SUN1: variants seen among roughly 807,000 people sequenced by gnomAD.
SUN1 encodes SUN domain-containing protein 1.
A neutral mutation model predicts 103.2 loss-of-function variants in SUN1; 61 were observed. The ratio of observed to expected loss-of-function variants is 0.59; its 90% CI spans 0.48 to 0.73. The LOEUF (loss-of-function observed/expected upper bound fraction) is 0.73. SUN1 is among the 30% of genes least tolerant of loss of function. SUN1 has a pLI of 0.00. For synonymous variants in SUN1, 490 were observed against 425.7 expected (o/e 1.15, Z -1.86); for missense variants, 1,052 against 1,034.6 (o/e 1.02, Z -0.23).
At chr7:864,554 CA>C (rs551547626) in intron 15 of SUN1, among the ~76,000 whole-genome samples, 1,755 of 95,172 alleles carry the variant, frequency 0.018, 42 homozygotes, top group African/African-American at 0.057. Context: ...AACTTTATCT[CA>C]AAAAAAAAAA....
chr7:825,135 T>C (rs1305192429), intron 1 of SUN1, among the ~76,000 whole-genome samples: 1 of 152,096 alleles, frequency 6.6e-6, no homozygotes. Flanking sequence ...CTCAGCTCAC[T>C]GCAAGCTCCA....
intron 14 of SUN1, among the ~76,000 whole-genome samples, 185 bp downstream of exon 14, chr7:860,567 G>A (rs1037972698): frequency 5.3e-5 from 8 of 152,204 alleles, no homozygotes; most frequent in African/African-American, 7.2e-5. Flanking sequence ...GCACCTGTGC[G>A]GTGAGCTTCA....
At chr7:832,249 C>G (rs1798649225), upstream of SUN1, 2 of 560,806 alleles carry the variant, frequency 3.6e-6, no homozygotes, top group Non-Finnish European at 5.5e-6. Flanking sequence ...CACGAGTCAG[C>G]CACTTTAGGG....
chr7:840,639 C>CTTTTTT (rs540064618), intron 2 of SUN1, among the ~76,000 whole-genome samples: 8 of 127,780 alleles, frequency 6.3e-5, no homozygotes, highest in Middle Eastern at 4.2e-3. Flanking sequence ...ACCATCTATT[C>CTTTTTT]TTTTTTTTTT....
At chr7:845,897 C>T (rs1815113157) in intron 5 of SUN1, among the ~76,000 whole-genome samples, 1 of 152,034 alleles carries the variant, frequency 6.6e-6, no homozygotes, top group South Asian at 2.1e-4. Context: ...GTTGGCCTCC[C>T]CAGTGCTGCG....
chr7:819,499 T>A (rs998511763), intron 1 of SUN1, among the ~76,000 whole-genome samples: 6 of 152,164 alleles, frequency 3.9e-5, no homozygotes, highest in African/African-American at 1.4e-4. Context: ...TTTGATCCAT[T>A]TTGAGTTCAT....
At chr7:865,191 G>A (rs376605703) in intron 15 of SUN1, among the ~76,000 whole-genome samples, 8 of 152,026 alleles carry the variant, frequency 5.3e-5, no homozygotes, top group East Asian at 3.9e-4. Flanking sequence ...ACGTGATCTC[G>A]GCTCACTACC....
chr7:817,408 C>T (rs906098275), intron 1 of SUN1: 3 of 1,535,534 alleles, frequency 2.0e-6, no homozygotes, highest in East Asian at 2.4e-5. Context: ...AGAATGGTGT[C>T]TGGTGCAAAA....
In SUN1 at chr7:852,869, G is replaced by T; in HGVS notation, c.970G>T (p.Ala324Ser). ...FFSFLPVLNW[A>S]SMHRTQRVDD... ...TTCGTTCTTGCCCGTGTTGAACTGGGCAAGCATGCATAGAACACAGCGGGT... is the reference window on the plus strand; with the variant it reads ...TTCGTTCTTGCCCGTGTTGAACTGGTCAAGCATGCATAGAACACAGCGGGT... The change falls in exon 9 of 19, where the codon GCA (alanine) becomes TCA (serine). Residue 324 changes from alanine (A) to serine (S), a missense_variant. This residue lies in a region of SUN1 where 846 missense variants were observed against 774.5 expected (regional missense o/e 1.09). Coordinates refer to ENST00000401592, the MANE Select transcript of SUN1 (RefSeq NM_001130965.3). 6.2e-7 allele frequency: 1 copy of T among 1,614,092 alleles called. No homozygotes were observed. The highest frequency in any genetic ancestry group is 8.5e-7 in the Non-Finnish European group (1 of 1,180,012).
intron 11 of SUN1, among the ~76,000 whole-genome samples, chr7:855,270 C>T (rs1452843076): frequency 2.0e-5 from 3 of 152,204 alleles, no homozygotes; most frequent in African/African-American, 7.2e-5. Flanking sequence ...TCTGCCGATT[C>T]CAGGCGGCCT....
chr7:859,340 A>G (rs1830358193), intron 13 of SUN1, among the ~76,000 whole-genome samples: 1 of 152,140 alleles, frequency 6.6e-6, no homozygotes, highest in African/African-American at 2.4e-5. Context: ...GTCATCAACT[A>G]CGGCCTCTGG....
intron 1 of SUN1, chr7:817,220 G>A: frequency 3.4e-6 from 2 of 582,782 alleles, no homozygotes; most frequent in Non-Finnish European, 6.1e-6. Context: ...TCCGCCTCCC[G>A]AAGCGCTCGG....
At position 838,990 on chromosome 7, in the gene SUN1, A is replaced by T; in HGVS notation, c.266+4A>T. On this transcript the variant is annotated splice_donor_region_variant and intron_variant, in intron 2 of 18. Coordinates refer to ENST00000401592, the MANE Select transcript of SUN1 (RefSeq NM_001130965.3). ...CCCTGAAGAACCGAGCGGCCAGGTG[A>T]GCACCGCTGCACTTCCTCTCCATCT... 6.4e-7 allele frequency: 1 copy of T among 1,560,918 alleles called. No homozygotes were observed. Among genetic ancestry groups the T allele is most frequent in the Non-Finnish European group, 8.7e-7 (1 of 1,154,298 alleles).
chr7:817,195 A>G, intron 1 of SUN1: 1 of 552,368 alleles, frequency 1.8e-6, no homozygotes, highest in East Asian at 3.2e-5. Flanking sequence ...CCTGAGCGCG[A>G]GCTATCCTCC....
chr7:818,310 C>T (rs770508048), intron 1 of SUN1, among the ~76,000 whole-genome samples: 2 of 152,184 alleles, frequency 1.3e-5, no homozygotes, highest in African/African-American at 2.4e-5. Context: ...TTGTGTCTGG[C>T]CTCTTTCACT....
In SUN1 at chr7:865,969, A is replaced by C; in HGVS notation, c.1882A>C (p.Thr628Pro). ...GCTTTAAGGTGGCAGCATCTTGAGT[A>C]CTCGCTGTTCTGAAACTTACGAAAC... is the stretch of plus-strand genomic sequence containing the variant. ...LESGGGSILS[T>P]RCSETYETKT... is the part of the protein sequence containing the mutation. The change falls in exon 16 of 19, where the codon ACT becomes CCT. Residue 628 changes from threonine to proline, a missense_variant. Physicochemically the swap from Thr to Pro is conservative, Grantham distance 38. Around this residue, in one of 2 missense-constraint regions of SUN1, gnomAD observed 206 missense variants for 260.1 expected, o/e 0.79. Transcript: ENST00000401592. The C allele has an allele frequency of 2.5e-6, 4 of 1,614,054 alleles. No individual in the cohort carries two copies. The highest frequency in any genetic ancestry group is 3.4e-6 in the Non-Finnish European group (4 of 1,180,004).
At chr7:826,488 C>T (rs959885472) in intron 1 of SUN1, among the ~76,000 whole-genome samples, 2 of 152,128 alleles carry the variant, frequency 1.3e-5, no homozygotes, top group Non-Finnish European at 2.9e-5. Flanking sequence ...TAGGCCCTGC[C>T]GAGGCCGGGG....
At chr7:847,180 C>T (rs1562654754) in intron 5 of SUN1, among the ~76,000 whole-genome samples, 1 of 152,144 alleles carries the variant, frequency 6.6e-6, no homozygotes, top group Non-Finnish European at 1.5e-5. Flanking sequence ...CTCGGGTACT[C>T]TGTAGATGAT....
chr7:840,585 C>T (rs910773257), intron 2 of SUN1, among the ~76,000 whole-genome samples: 1 of 151,732 alleles, frequency 6.6e-6, no homozygotes, highest in Non-Finnish European at 1.5e-5. Flanking sequence ...GATGGCTTTC[C>T]TGTTGTCATT....
Sources: gnomAD v4.1 joint callset for allele counts (sites outside exome capture counted in the v4.1 genomes callset) on GRCh38, gnomAD v4.1.1 for gene constraint, gnomAD v4.1.1 regional missense constraint, MANE v1.5 for transcripts, NCBI Gene and HGNC (gene_info 2026-07-23, HGNC 2026-07-21) for gene names.